KCNT2: variants seen among roughly 807,000 people sequenced by gnomAD.
The protein encoded by KCNT2 is potassium channel subfamily T member 2.
A neutral mutation model predicts 153.8 loss-of-function variants in KCNT2; 67 were observed. The observed-to-expected ratio is 0.44, with a 90% CI of 0.36 to 0.53. KCNT2 has a LOEUF of 0.53. Ranked by LOEUF, KCNT2 falls within the 20% of genes least tolerant of loss-of-function variation. KCNT2 has a pLI of 0.00. For synonymous variants in KCNT2, 500 were observed against 458.8 expected (o/e 1.09, Z -1.15); for missense variants, 975 against 1,354.8 (o/e 0.72, Z 4.40).
At chr1:196,515,012 T>C (rs1195241255) in intron 1 of KCNT2, among the ~76,000 whole-genome samples, 1 of 152,202 alleles carries the variant, frequency 6.6e-6, no homozygotes, top group Non-Finnish European at 1.5e-5. Context: ...TTCAGCCTCT[T>C]GACATAATCC....
chr1:196,574,003 A>G (rs533551870), intron 1 of KCNT2, among the ~76,000 whole-genome samples: 1 of 152,046 alleles, frequency 6.6e-6, no homozygotes, highest in Non-Finnish European at 1.5e-5. Context: ...AAATCATCTA[A>G]GTATACAAAA....
chr1:196,475,776 T>C (rs1023109224), intron 5 of KCNT2, among the ~76,000 whole-genome samples: 3 of 152,188 alleles, frequency 2.0e-5, no homozygotes, highest in South Asian at 2.1e-4. Flanking sequence ...TTGGACTATA[T>C]TGATGAGAGG....
chr1:196,502,975 G>A (rs1680824325), intron 1 of KCNT2, among the ~76,000 whole-genome samples: 1 of 151,934 alleles, frequency 6.6e-6, no homozygotes, highest in Admixed American at 6.6e-5. Context: ...TATGAGGTGG[G>A]CAGGCCTGAG....
At chr1:196,270,711 A>C (rs1234436107) in intron 25 of KCNT2, among the ~76,000 whole-genome samples, 2 of 151,948 alleles carry the variant, frequency 1.3e-5, no homozygotes, top group Admixed American at 1.3e-4. Context: ...TTCAACATGC[A>C]TGTGTGTGTA....
chr1:196,391,768 T>C (rs994564088), intron 13 of KCNT2, among the ~76,000 whole-genome samples: 1 of 151,402 alleles, frequency 6.6e-6, no homozygotes, highest in Non-Finnish European at 1.5e-5. Context: ...TGGTTATATA[T>C]ACCACATTAA....
At position 196,285,642 on chromosome 1, in the gene KCNT2, A is replaced by T; in HGVS notation, c.2697+15T>A. 1.3e-6 allele frequency: 2 copies of T among 1,486,986 alleles called. No homozygotes were observed. The highest frequency in any genetic ancestry group is 1.9e-6 in the Non-Finnish European group (2 of 1,075,980). 92.1% of individuals were successfully genotyped at this position (1,486,986 alleles called of 1,614,324 possible). A position where few individuals can be genotyped will look rare whatever the true frequency, so the allele number is the denominator to read the frequency against. ...AACAACCATTTTAGAGAAAATAAAA[A>T]GAAATATTGTATACCTGATACAGCA... is the stretch of plus-strand genomic sequence containing the variant. On this transcript the variant is annotated intron_variant, in intron 23 of 27. Transcript: ENST00000294725.
At position 196,516,592 on chromosome 1, in the gene KCNT2, A is replaced by C. The variant is rs553974183; in HGVS notation, c.96-24251T>G. Among the ~76,000 whole-genome samples the C allele has an allele frequency of 3.3e-5, 5 of 152,282 alleles. No homozygotes were observed. The East Asian group carries it at 9.7e-4, about 29-fold the overall frequency. ...AATGCCTGAGGGGCCTGTGGGCTGG[A>C]GCAGACCACAACACAGCAGAGCTGC... is the stretch of plus-strand genomic sequence containing the variant. On this transcript the variant is annotated intron_variant, in intron 1 of 27. Transcript: ENST00000294725.
At chr1:196,459,235 G>A (rs560527281) in intron 8 of KCNT2, among the ~76,000 whole-genome samples, 53 of 151,660 alleles carry the variant, frequency 3.5e-4, no homozygotes, top group African/African-American at 1.1e-3. Context: ...CCATAAATTT[G>A]GGGTCAATAT....
chr1:196,313,518 G>T (rs11806585), intron 21 of KCNT2, among the ~76,000 whole-genome samples: 3,090 of 151,608 alleles, frequency 0.02, 87 homozygotes, highest in African/African-American at 0.07. Flanking sequence ...AACCACATCT[G>T]TAAAATGCAA....
At chr1:196,327,257 A>C (rs1472307151) in intron 18 of KCNT2, among the ~76,000 whole-genome samples, 2 of 152,006 alleles carry the variant, frequency 1.3e-5, no homozygotes, top group Admixed American at 1.3e-4. Flanking sequence ...TAATTAGGTA[A>C]CTTCAGGAAC....
chr1:196,423,379 G>A (rs1673378959), intron 11 of KCNT2, among the ~76,000 whole-genome samples: 2 of 151,868 alleles, frequency 1.3e-5, no homozygotes, highest in African/African-American at 4.8e-5. Flanking sequence ...TTCTTTGTAT[G>A]ATTAAATATA....
intron 1 of KCNT2, among the ~76,000 whole-genome samples, chr1:196,507,712 T>G (rs1572675713): frequency 6.6e-6 from 1 of 152,304 alleles, no homozygotes; most frequent in African/African-American, 2.4e-5. Context: ...GTTTTTAACC[T>G]TTTGAAAATT....
chr1:196,460,930 A>G (rs1677092356), intron 8 of KCNT2, among the ~76,000 whole-genome samples: 4 of 151,780 alleles, frequency 2.6e-5, no homozygotes, highest in African/African-American at 9.7e-5. Context: ...GAAAATTTAA[A>G]CCATAGCAGG....
chr1:196,485,942 G>A (rs1192012750), intron 3 of KCNT2, among the ~76,000 whole-genome samples: 1 of 151,582 alleles, frequency 6.6e-6, no homozygotes, highest in Non-Finnish European at 1.5e-5. Flanking sequence ...AACACTAGGA[G>A]GAAAGAAAAC....
At chr1:196,589,284 C>T (rs951009185) in intron 1 of KCNT2, among the ~76,000 whole-genome samples, 20 of 151,660 alleles carry the variant, frequency 1.3e-4, no homozygotes, top group African/African-American at 4.8e-4. Context: ...TGTGTGCACA[C>T]GTGAATAGTC....
intron 4 of KCNT2, among the ~76,000 whole-genome samples, chr1:196,481,573 A>G (rs181751685): frequency 6.6e-6 from 1 of 152,222 alleles, no homozygotes; most frequent in Admixed American, 6.5e-5. Flanking sequence ...ATTCTTTCTG[A>G]TGTTGGTGAT....
intron 5 of KCNT2, among the ~76,000 whole-genome samples, chr1:196,476,678 T>G (rs1451017077): frequency 6.6e-6 from 1 of 152,210 alleles, no homozygotes; most frequent in Admixed American, 6.5e-5. Flanking sequence ...AAACTAATCA[T>G]TAAACCTCAG....
intron 1 of KCNT2, among the ~76,000 whole-genome samples, chr1:196,558,079 T>C (rs1658912342): frequency 6.6e-6 from 1 of 151,392 alleles, no homozygotes; most frequent in Non-Finnish European, 1.5e-5. Context: ...GAGGTACACT[T>C]TCCAGAAAGC....
At chr1:196,420,566 A>G (rs751827540) in intron 12 of KCNT2, among the ~76,000 whole-genome samples, 6 of 151,896 alleles carry the variant, frequency 4.0e-5, no homozygotes, top group Non-Finnish European at 7.4e-5. Context: ...GCACTGGGGA[A>G]CACCAGGTTT....
Sources: allele counts gnomAD v4.1 joint callset (sites outside exome capture counted in the v4.1 genomes callset), GRCh38; gene constraint gnomAD v4.1.1; transcripts MANE v1.5; gene names NCBI Gene and HGNC (gene_info 2026-07-23, HGNC 2026-07-21).